C10orf90: variants seen among roughly 807,000 people sequenced by gnomAD.
The protein encoded by C10orf90 is chromosome 10 open reading frame 90.
In C10orf90, 56 loss-of-function variants were observed where a neutral mutation model predicts 62.5. The ratio of observed to expected loss-of-function variants is 0.90; its 90% CI spans 0.72 to 1.12. The LOEUF is 1.12. Ranked by LOEUF, C10orf90 falls within the 50% of genes most tolerant of loss-of-function variation. C10orf90 has a pLI of 0.00. For synonymous variants in C10orf90, 386 were observed against 340.4 expected, an observed-to-expected ratio of 1.13 and a Z score of -1.47; for missense variants, 970 against 880.4, an observed-to-expected ratio of 1.10 and a Z score of -1.29.
intron 2 of C10orf90, among the ~76,000 whole-genome samples, chr10:126,605,045 G>A (rs1845277272): frequency 6.6e-6 from 1 of 152,170 alleles, no homozygotes; most frequent in Non-Finnish European, 1.5e-5. Context: ...CACATTCAAA[G>A]AACTCGATTT....
Position 126,598,645 on chromosome 10 carries a change from C to T in C10orf90, c.313+47920G>A, listed in dbSNP as rs1296328784. Among the ~76,000 whole-genome samples, 4 of 152,332 alleles carry T rather than the reference C, an allele frequency of 2.6e-5. No individual in the cohort carries two copies. In the East Asian group the frequency reaches 7.7e-4, roughly 29 times the overall value. On this transcript the variant is annotated intron_variant, in intron 2 of 9. Transcript: ENST00000488181. ...GCTACTCTTGGAGTACACCGTTTCA[C>T]TTGCAGTTGGTGTGTGAGCTGCTCT...
rs1859614282 is a variant in C10orf90 at position 126,456,802 on chromosome 10, A to T, written c.2188+2238T>A. 6.6e-6 allele frequency among the ~76,000 whole-genome samples: 1 copy of T among 152,156 alleles called. No individual in the cohort carries two copies. The highest frequency in any genetic ancestry group is 2.4e-5 in the African/African-American group (1 of 41,440). ...ACAGAGGCAGAGACTGTAGTGCCGCATCTACAAACCAAGGAACATCAAGGA... is the reference window on the plus strand; with the variant it reads ...ACAGAGGCAGAGACTGTAGTGCCGCTTCTACAAACCAAGGAACATCAAGGA... On this transcript the variant is annotated intron_variant, in intron 7 of 9. Coordinates refer to ENST00000488181, the MANE Select transcript of C10orf90 (RefSeq NM_001350921.2). The surrounding 1 kb of genome is among the most constrained non-coding windows in gnomAD (Gnocchi z 4.9).
At chr10:126,573,117 C>T (rs985538553) in intron 2 of C10orf90, among the ~76,000 whole-genome samples, 3 of 152,232 alleles carry the variant, frequency 2.0e-5, no homozygotes, top group African/African-American at 4.8e-5. Context: ...CTCCAAAAAC[C>T]GAGCTCCCCA....
chr10:126,602,585 C>A (rs964062880), intron 2 of C10orf90, among the ~76,000 whole-genome samples: 3 of 152,160 alleles, frequency 2.0e-5, no homozygotes, highest in African/African-American at 7.2e-5. Flanking sequence ...CACCTGTTTA[C>A]ACTCAGAGCA....
intron 1 of C10orf90, among the ~76,000 whole-genome samples, chr10:126,651,436 C>T (rs1321700612): frequency 6.6e-6 from 1 of 152,086 alleles, no homozygotes; most frequent in Admixed American, 6.6e-5. Flanking sequence ...TACCTCAGAT[C>T]CTGCTGGAGT....
intron 2 of C10orf90, among the ~76,000 whole-genome samples, chr10:126,628,421 A>T (rs1284012411): frequency 6.6e-6 from 1 of 152,138 alleles, no homozygotes; most frequent in Non-Finnish European, 1.5e-5. Context: ...GGATAAAAAG[A>T]TGAAAAAAAT....
At position 126,578,689 on chromosome 10, in the gene C10orf90, C is replaced by G. The variant is rs541048852; in HGVS notation, c.314-64750G>C. 9.2e-5 allele frequency among the ~76,000 whole-genome samples: 14 copies of G among 152,308 alleles called. 1 individual carries two copies. In the East Asian group the frequency reaches 2.3e-3, roughly 25 times the overall value. On this transcript the variant is annotated intron_variant, in intron 2 of 9. Transcript: ENST00000488181. ...ATCACAGCTGTGTTCATTATAGCCC[C>G]AAACTAGAAATTATTCAAATGCCCA...
Position 126,642,430 on chromosome 10 carries a change from A to G in C10orf90, c.313+4135T>C, listed in dbSNP as rs370278178. On this transcript the variant is annotated intron_variant, in intron 2 of 9. Transcript: ENST00000488181. ...GCCTGTAGTCCCAGCTACTCGGGAG[A>G]CTGAGGCAGGACAATGGCATGAACC... Among the ~76,000 whole-genome samples the G allele has an allele frequency of 5.5e-4, 84 of 152,010 alleles. No homozygotes were observed. The East Asian group carries it at 0.011, about 20-fold the overall frequency.
At chr10:126,441,446 T>C (rs962220266) in intron 7 of C10orf90, among the ~76,000 whole-genome samples, 50 of 152,112 alleles carry the variant, frequency 3.3e-4, no homozygotes, top group African/African-American at 1.1e-3. Context: ...AATCTAAAAG[T>C]TTGGAAAACA....
chr10:126,567,635 C>A (rs1016674010), intron 2 of C10orf90, among the ~76,000 whole-genome samples: 6 of 152,086 alleles, frequency 3.9e-5, no homozygotes, highest in African/African-American at 1.2e-4. Context: ...TGGAGGAGAC[C>A]ACAGAAAGGG....
chr10:126,517,060 T>C (rs1436800), intron 2 of C10orf90, among the ~76,000 whole-genome samples: 135,198 of 151,858 alleles, frequency 0.89, 60,407 homozygotes, highest in African/African-American at 0.97. Flanking sequence ...TTGGCCAAAG[T>C]AACATATTTA....
intron 2 of C10orf90, among the ~76,000 whole-genome samples, chr10:126,572,689 A>G (rs570050543): frequency 6.6e-6 from 1 of 151,896 alleles, no homozygotes; most frequent in South Asian, 2.1e-4. Flanking sequence ...TTTTGTCCCG[A>G]CCTCCTATCT....
intron 2 of C10orf90, among the ~76,000 whole-genome samples, chr10:126,611,188 CT>C (rs2133802167): frequency 6.6e-6 from 1 of 152,276 alleles, no homozygotes; most frequent in South Asian, 2.1e-4. Flanking sequence ...CACTCATCTA[CT>C]TTCTGGCTCT....
rs537312819 is a variant in C10orf90 at position 126,649,492 on chromosome 10, G to A, written c.241-2855C>T. On this transcript the variant is annotated intron_variant, in intron 1 of 9. Coordinates refer to ENST00000488181, the MANE Select transcript of C10orf90 (RefSeq NM_001350921.2). Reference sequence around the variant, plus strand: ...TTGGTCACACGCTCACCCACCACAGGGCCCTCGCACGCATTGTCCTATTTG... The same window carrying A: ...TTGGTCACACGCTCACCCACCACAGAGCCCTCGCACGCATTGTCCTATTTG... Among the ~76,000 whole-genome samples the A allele has an allele frequency of 1.1e-3, 169 of 152,016 alleles. 1 individual carries two copies. Among genetic ancestry groups the A allele is most frequent in the African/African-American group, 3.9e-3 (162 of 41,468 alleles).
intron 2 of C10orf90, chr10:126,524,731 G>A (rs146682045): frequency 2.4e-5 from 24 of 985,570 alleles, no homozygotes; most frequent in Admixed American, 6.1e-5. Context: ...AGGAGTGCAC[G>A]CACCTGTATG....
At chr10:126,627,131 C>G (rs898970553) in intron 2 of C10orf90, among the ~76,000 whole-genome samples, 5 of 151,524 alleles carry the variant, frequency 3.3e-5, no homozygotes, top group African/African-American at 1.2e-4. Context: ...TCCCAGGTAG[C>G]TGGGATTACA....
chr10:126,655,633 A>G (rs970093129), intron 1 of C10orf90, among the ~76,000 whole-genome samples: 1 of 152,162 alleles, frequency 6.6e-6, no homozygotes, highest in Non-Finnish European at 1.5e-5. Context: ...GTCCTTCCCC[A>G]GGAATTGTTT....
At chr10:126,547,152 G>GCTC (rs1864513421) in intron 2 of C10orf90, among the ~76,000 whole-genome samples, 1 of 151,904 alleles carries the variant, frequency 6.6e-6, no homozygotes, top group Non-Finnish European at 1.5e-5. Context: ...GGGCGTTGTG[G>GCTC]CTCACGCCTG....
intron 2 of C10orf90, among the ~76,000 whole-genome samples, chr10:126,556,342 C>G (rs1038883967): frequency 6.6e-6 from 1 of 152,156 alleles, no homozygotes; most frequent in Non-Finnish European, 1.5e-5. Flanking sequence ...AAGGGCGCTC[C>G]CTTCTCCCTC....
Sources: allele counts gnomAD v4.1 joint callset (sites outside exome capture counted in the v4.1 genomes callset), GRCh38; gene constraint gnomAD v4.1.1; non-coding constraint Gnocchi (gnomAD v3.1); transcripts MANE v1.5; gene names NCBI Gene and HGNC (gene_info 2026-07-23, HGNC 2026-07-21).